TRAIP: variants seen among roughly 807,000 people sequenced by gnomAD.
The protein encoded by TRAIP is TRAF interacting protein.
TRAIP carries 37 observed loss-of-function variants against 65.0 expected under a neutral mutation model. The ratio of observed to expected loss-of-function variants is 0.57; its 90% CI spans 0.44 to 0.75. The LOEUF is 0.75. TRAIP is among the 30% of genes least tolerant of loss of function. The probability of loss-of-function intolerance (pLI) is 0.00; values close to 1 mark genes in which losing one functional copy is unlikely to be tolerated. For missense variants in TRAIP, 481 were observed against 579.4 expected (o/e 0.83, Z 1.74); for synonymous variants, 187 against 219.1 (o/e 0.85, Z 1.29).
intron 10 of TRAIP, among the ~76,000 whole-genome samples, chr3:49,833,968 T>C (rs1020566511): frequency 3.9e-5 from 6 of 152,150 alleles, no homozygotes; most frequent in Admixed American, 3.3e-4. Flanking sequence ...ACTATCACCC[T>C]TGGGACACCC....
chr3:49,842,936 C>A (rs1575395506), intron 5 of TRAIP, among the ~76,000 whole-genome samples: 1 of 152,172 alleles, frequency 6.6e-6, no homozygotes, highest in South Asian at 2.1e-4. Flanking sequence ...AACACCCAGA[C>A]CCATGGACAG....
intron 3 of TRAIP, among the ~76,000 whole-genome samples, chr3:49,846,327 G>C (rs901829921): frequency 5.3e-5 from 8 of 152,124 alleles, no homozygotes; most frequent in African/African-American, 1.9e-4. Flanking sequence ...GTCACCCAAA[G>C]TGCTGGGATT....
chr3:49,836,816 C>T (rs1173863742), intron 10 of TRAIP, among the ~76,000 whole-genome samples: 2 of 152,180 alleles, frequency 1.3e-5, no homozygotes, highest in Non-Finnish European at 1.5e-5. Context: ...TCATCACCCT[C>T]TCCCCTGGAT....
intron 10 of TRAIP, among the ~76,000 whole-genome samples, chr3:49,836,336 C>CA (rs2081786129): frequency 6.6e-6 from 1 of 151,490 alleles, no homozygotes; most frequent in African/African-American, 2.4e-5. Flanking sequence ...ACTAAAAATA[C>CA]AAAAAACTAG....
At chr3:49,849,481 C>T (rs1449629734) in intron 1 of TRAIP, among the ~76,000 whole-genome samples, 4 of 152,062 alleles carry the variant, frequency 2.6e-5, no homozygotes, top group South Asian at 2.1e-4. Flanking sequence ...AAACATTAGC[C>T]GGACGTGGTG....
Position 49,829,721 on chromosome 3 carries a change from C to G in TRAIP, c.1132G>C (p.Asp378His), listed in dbSNP as rs768498206. The G allele has an allele frequency of 7.4e-6, 12 of 1,614,060 alleles. No homozygotes were observed. The highest frequency in any genetic ancestry group is 1.7e-5 in the Admixed American group (1 of 59,994). ...GGGAAGGCACCAACCAGTTCCTCAT[C>G]TGGCTCTCCTGCACAGCTCTGGCCA... ...LGGQSCAGEP[D>H]EELVGAFPIF... is the part of the protein sequence containing the mutation. The change falls in exon 13 of 15, where the codon GAT becomes CAT. Residue 378 changes from aspartate (D) to histidine (H), a missense_variant. Coordinates refer to ENST00000331456, the MANE Select transcript of TRAIP (RefSeq NM_005879.3).
rs1160731116 is a variant in TRAIP, at chr3:49,829,667, G to A, written c.1186C>T (p.Gln396Ter). ...PIFVRNAILGQKQPKRPRSES... is the reference protein window; with the variant it reads ...PIFVRNAILG ...GACCTGGGCCTCTTGGGCTGTTTCT[G>A]GCCTAGGATGGCATTCCGGACAAAA... is the stretch of plus-strand genomic sequence containing the variant. The change falls in exon 13 of 15, where the codon CAG (glutamine) becomes TAG (stop). Residue 396 changes from glutamine to a stop codon, truncating the protein, a stop_gained. Transcript: ENST00000331456. LOFTEE classifies it high-confidence loss of function. 6.2e-7 allele frequency: 1 copy of A among 1,614,140 alleles called. No homozygotes were observed. The highest frequency in any genetic ancestry group is 1.1e-5 in the South Asian group (1 of 91,076).
intron 10 of TRAIP, among the ~76,000 whole-genome samples, chr3:49,832,505 A>AG (rs2081743593): frequency 6.6e-6 from 1 of 151,388 alleles, no homozygotes. Context: ...AAAAAAAAAA[A>AG]AAAGTTTAAA....
At chr3:49,847,010 G>T (rs541975773) in intron 3 of TRAIP, among the ~76,000 whole-genome samples, 1 of 151,904 alleles carries the variant, frequency 6.6e-6, no homozygotes, top group Non-Finnish European at 1.5e-5. Context: ...GTGAAACCCC[G>T]TCTGTACTAA....
chr3:49,830,056 C>A lies in TRAIP; in HGVS notation c.1050G>T (p.Gln350His). Reference sequence around the variant, plus strand: ...CTTTGCATATCTTCTTGGGGACATCCTGAATTGGGGAGCTACAAGAATGAG... The same window carrying A: ...CTTTGCATATCTTCTTGGGGACATCATGAATTGGGGAGCTACAAGAATGAG... The part of the protein sequence containing the change: ...LCLEKSHSPI[Q>H]DVPKKICKGP... The change falls in exon 12 of 15, where the codon CAG becomes CAT. Residue 350 changes from glutamine (Q) to histidine (H), a missense_variant. By Grantham distance (24) the Gln-to-His change is conservative. Coordinates refer to ENST00000331456, the MANE Select transcript of TRAIP (RefSeq NM_005879.3). The A allele has an allele frequency of 1.2e-6, 2 of 1,614,138 alleles. No individual in the cohort carries two copies. Among genetic ancestry groups the A allele is most frequent in the Admixed American group, 3.3e-5 (2 of 60,014 alleles).
rs1404943723 is a variant in TRAIP, at chr3:49,841,844, T to A, written c.599A>T (p.Tyr200Phe). Reference protein sequence around the residue: ...GQSAVEQLAVYCVSLKKEYEN... With the variant: ...GQSAVEQLAVFCVSLKKEYEN... ...TACGCACTTCTTGAGAGACACACAG[T>A]ACACAGCCAGCTGTTCCACCGCTGA... The change falls in exon 7 of 15, where the codon TAC becomes TTC. Residue 200 changes from tyrosine (Y) to phenylalanine (F), a missense_variant. Transcript: ENST00000331456. 2 of 1,614,002 alleles carry A rather than the reference T, an allele frequency of 1.2e-6. No homozygotes were observed. Among genetic ancestry groups the A allele is most frequent in the Non-Finnish European group, 1.7e-6 (2 of 1,179,978 alleles).
At chr3:49,833,134 C>T (rs1328043580) in intron 10 of TRAIP, among the ~76,000 whole-genome samples, 1 of 152,208 alleles carries the variant, frequency 6.6e-6, no homozygotes, top group Non-Finnish European at 1.5e-5. Context: ...GCAGCCAGGA[C>T]CACTCATGCC....
chr3:49,847,095 G>A lies in TRAIP; in HGVS notation c.240+430C>T, dbSNP rs941163591. ...CTCGGGAGGCTGAAGCAGGAGAATT[G>A]TTTTAACCTAGGAGGCAGAGGTTGC... On this transcript the variant is annotated intron_variant, in intron 3 of 14. Coordinates refer to ENST00000331456, the MANE Select transcript of TRAIP (RefSeq NM_005879.3). Among the ~76,000 whole-genome samples, 7 of 151,828 alleles carry A rather than the reference G, an allele frequency of 4.6e-5. No individual in the cohort carries two copies. In the South Asian group the frequency reaches 1.5e-3, roughly 32 times the overall value.
At chr3:49,845,601 T>G (rs1575396907) in intron 3 of TRAIP, among the ~76,000 whole-genome samples, 1 of 152,016 alleles carries the variant, frequency 6.6e-6, no homozygotes, top group African/African-American at 2.4e-5. Flanking sequence ...AGGTGGTGGG[T>G]AAGGAAGAGC....
intron 4 of TRAIP, among the ~76,000 whole-genome samples, chr3:49,844,188 A>G (rs908587634): frequency 6.6e-6 from 1 of 152,108 alleles, no homozygotes; most frequent in Admixed American, 6.5e-5. Context: ...CCTACCTGCC[A>G]TGGGTCCAGT....
intron 1 of TRAIP, 113 bp downstream of exon 1, chr3:49,856,243 A>C: frequency 1.1e-6 from 1 of 882,894 alleles, no homozygotes; most frequent in Non-Finnish European, 1.8e-6. Flanking sequence ...TCTAGGAGGA[A>C]GGTTCTCATC....
At chr3:49,829,363 C>G in intron 14 of TRAIP, 95 bp downstream of exon 14, 2 of 1,611,758 alleles carry the variant, frequency 1.2e-6, no homozygotes. Flanking sequence ...GCACTGCACA[C>G]CTGAGGCTGT....
At chr3:49,850,804 G>A (rs1255779138) in intron 1 of TRAIP, among the ~76,000 whole-genome samples, 1 of 150,952 alleles carries the variant, frequency 6.6e-6, no homozygotes, top group Admixed American at 6.6e-5. Context: ...ACGGGTGCAC[G>A]CCACCATGCC....
intron 1 of TRAIP, among the ~76,000 whole-genome samples, chr3:49,854,733 C>T (rs1255661500): frequency 6.6e-6 from 1 of 152,094 alleles, no homozygotes; most frequent in Non-Finnish European, 1.5e-5. Flanking sequence ...CAAAGATTAT[C>T]AGACTGGATT....
Sources: allele counts gnomAD v4.1 joint callset (sites outside exome capture counted in the v4.1 genomes callset), GRCh38; gene constraint gnomAD v4.1.1; transcripts MANE v1.5; gene names NCBI Gene and HGNC (gene_info 2026-07-23, HGNC 2026-07-21).